The following CDCA4 variants were observed in gnomAD, a reference collection of about 807,000 sequenced individuals.
The protein encoded by CDCA4 is cell division cycle-associated protein 4.
For missense variants in CDCA4, 294 were observed against 322.1 expected, an observed-to-expected ratio of 0.91 and a Z score of 0.67; for synonymous variants, 130 against 137.0, an observed-to-expected ratio of 0.95 and a Z score of 0.36.
rs920543741 is a variant in CDCA4, at chr14:105,021,066, C to T, written c.-74G>A. On this transcript the variant is annotated 5_prime_UTR_variant, in exon 1 of 2. Transcript: ENST00000336219. ...GCCACCGCCGCTGCCGCCAGCTTCCCGCCGCTGAGGAAGGAGCGCCCGACG... is the reference window on the plus strand; with the variant it reads ...GCCACCGCCGCTGCCGCCAGCTTCCTGCCGCTGAGGAAGGAGCGCCCGACG... 1 of 152,602 alleles carries T rather than the reference C, an allele frequency of 6.6e-6. No homozygotes were observed. The highest frequency in any genetic ancestry group is 1.5e-5 in the Non-Finnish European group (1 of 68,106). The allele number at this position is 152,602 out of a possible 1,614,324, so 9.5% of individuals were successfully genotyped here.
At position 105,011,607 on chromosome 14, in the gene CDCA4, TG is replaced by T; in HGVS notation, c.322del (p.Gln108LysfsTer88). 1 of 1,613,854 alleles carries T rather than the reference TG, an allele frequency of 6.2e-7. No homozygotes were observed. The highest frequency in any genetic ancestry group is 8.5e-7 in the Non-Finnish European group (1 of 1,180,018). On this transcript the variant is annotated frameshift_variant, in exon 2 of 2. Transcript: ENST00000336219. LOFTEE classifies it low-confidence loss of function (END_TRUNC). Reference sequence around the variant, plus strand: ...GCCAGGAGCAGGATGTGCCCCCTCTTGCCCCCACGCTGCACGGCACAGGATC... The same window carrying T: ...GCCAGGAGCAGGATGTGCCCCCTCTTCCCCCACGCTGCACGGCACAGGATC... The part of the protein sequence containing the change: ...TEILCRAAWG[Q>X]EGAHPAPGLG...
At chr14:105,013,220 G>C (rs1190110429) in intron 1 of CDCA4, among the ~76,000 whole-genome samples, 1 of 150,628 alleles carries the variant, frequency 6.6e-6, no homozygotes, top group African/African-American at 2.5e-5. Context: ...TTTTTTAACT[G>C]ATTCTAAATT....
At chr14:105,019,921 C>T (rs1314097697) in intron 1 of CDCA4, among the ~76,000 whole-genome samples, 5 of 152,190 alleles carry the variant, frequency 3.3e-5, no homozygotes, top group Non-Finnish European at 7.3e-5. Context: ...ACCACGTTGG[C>T]CAGCTAGTCT....
intron 1 of CDCA4, among the ~76,000 whole-genome samples, chr14:105,013,585 C>A (rs1226654528): frequency 6.6e-6 from 1 of 152,120 alleles, no homozygotes; most frequent in South Asian, 2.1e-4. Context: ...GTATGGGAGG[C>A]ACATGCTGTC....
chr14:105,018,925 C>T (rs927975770), intron 1 of CDCA4, among the ~76,000 whole-genome samples: 1 of 151,958 alleles, frequency 6.6e-6, no homozygotes, highest in Non-Finnish European at 1.5e-5. Context: ...TTTGTAGAGA[C>T]GGGGTTTCAC....
At chr14:105,017,995 C>T (rs1426266639) in intron 1 of CDCA4, among the ~76,000 whole-genome samples, 2 of 152,020 alleles carry the variant, frequency 1.3e-5, no homozygotes, top group Non-Finnish European at 2.9e-5. Flanking sequence ...AAGACACACA[C>T]AAAAATATGT....
chr14:105,018,754 T>TTA (rs1434442056), intron 1 of CDCA4, among the ~76,000 whole-genome samples: 1 of 140,482 alleles, frequency 7.1e-6, no homozygotes, highest in African/African-American at 2.5e-5. Flanking sequence ...TTTTTTTTTT[T>TTA]AAGACAGAGT....
intron 1 of CDCA4, among the ~76,000 whole-genome samples, chr14:105,019,034 C>T (rs920253788): frequency 6.6e-6 from 1 of 152,102 alleles, no homozygotes; most frequent in African/African-American, 2.4e-5. Context: ...CCATGCCTGG[C>T]CCCCTGCTCA....
chr14:105,013,141 A>G (rs967930129), intron 1 of CDCA4, among the ~76,000 whole-genome samples: 1 of 152,138 alleles, frequency 6.6e-6, no homozygotes, highest in Non-Finnish European at 1.5e-5. Context: ...CGCACAGCAC[A>G]GATGCACTAG....
At chr14:105,019,617 T>G (rs995043310) in intron 1 of CDCA4, among the ~76,000 whole-genome samples, 1 of 152,394 alleles carries the variant, frequency 6.6e-6, no homozygotes, top group Admixed American at 6.5e-5. Context: ...GAGCAAGGTC[T>G]GCAGTCTTGA....
At chr14:105,016,702 G>C (rs186943656) in intron 1 of CDCA4, among the ~76,000 whole-genome samples, 342 of 152,112 alleles carry the variant, frequency 2.2e-3, no homozygotes, top group African/African-American at 8.0e-3. Flanking sequence ...GTCCTTTTCT[G>C]GCCATGCCAC....
chr14:105,014,388 T>C (rs1295320359), intron 1 of CDCA4, among the ~76,000 whole-genome samples: 2 of 152,100 alleles, frequency 1.3e-5, no homozygotes, highest in African/African-American at 2.4e-5. Flanking sequence ...TCTACAATTA[T>C]TTCAAAATTA....
At chr14:105,013,163 C>T (rs1187191922) in intron 1 of CDCA4, among the ~76,000 whole-genome samples, 4 of 152,190 alleles carry the variant, frequency 2.6e-5, no homozygotes, top group Non-Finnish European at 4.4e-5. Flanking sequence ...TGGACATTGG[C>T]CATGTCTACT....
intron 1 of CDCA4, among the ~76,000 whole-genome samples, chr14:105,014,675 C>A (rs1195453720): frequency 6.6e-6 from 1 of 152,244 alleles, no homozygotes; most frequent in Non-Finnish European, 1.5e-5. Flanking sequence ...TTGTTTAAAT[C>A]ACTGGCTTAA....
intron 1 of CDCA4, among the ~76,000 whole-genome samples, chr14:105,020,216 T>G (rs1001179624): frequency 6.6e-6 from 1 of 152,240 alleles, no homozygotes; most frequent in African/African-American, 2.4e-5. Context: ...ATAGAGTGGT[T>G]GTACGTAGAA....
At chr14:105,019,960 G>A (rs1463002412) in intron 1 of CDCA4, among the ~76,000 whole-genome samples, 1 of 152,138 alleles carries the variant, frequency 6.6e-6, no homozygotes, top group Non-Finnish European at 1.5e-5. Flanking sequence ...AGATCCACCC[G>A]CCTAGGCCTC....
At chr14:105,012,317 AAAG>A (rs1311752024) in intron 1 of CDCA4, among the ~76,000 whole-genome samples, 1 of 152,258 alleles carries the variant, frequency 6.6e-6, no homozygotes, top group Middle Eastern at 3.2e-3. Flanking sequence ...GGTGTGTACA[AAAG>A]AAGAGACCCT....
At position 105,011,022 on chromosome 14, in the gene CDCA4, G is replaced by A; in HGVS notation, c.*182C>T. The stretch of plus-strand genomic sequence containing the variant: ...CAGCCTCTGCCTGGCGCTCCACAGG[G>A]GGGAGGTGAGTGGGACGGGCCTAGG... On this transcript the variant is annotated 3_prime_UTR_variant, in exon 2 of 2. Transcript: ENST00000336219. The A allele has an allele frequency of 1.4e-6, 1 of 700,536 alleles. No individual in the cohort carries two copies. Among genetic ancestry groups the A allele is most frequent in the Non-Finnish European group, 2.3e-6 (1 of 431,480 alleles). 43.4% of individuals were successfully genotyped at this position (700,536 alleles called of 1,614,324 possible).
In CDCA4 at chr14:105,011,552, A is replaced by T; in HGVS notation, c.378T>A (p.Val126=). Residue 126 remains valine, a synonymous_variant, in exon 2 of 2, where the codon GTT becomes GTA. Coordinates refer to ENST00000336219, the MANE Select transcript of CDCA4 (RefSeq NM_017955.4). ...CTGAGGTGACTGGGCAAAGGTCAGA[A>T]ACTGGACCCTGTGTGTGGCCGTCCC... ...GLGDGHTQGP[V]SDLCPVTSAQ... The T allele has an allele frequency of 6.2e-7, 1 of 1,614,084 alleles. No homozygotes were observed. The highest frequency in any genetic ancestry group is 1.1e-5 in the South Asian group (1 of 91,072).
Sources: allele counts gnomAD v4.1 joint callset (sites outside exome capture counted in the v4.1 genomes callset), GRCh38; gene constraint gnomAD v4.1.1; transcripts MANE v1.5; gene names NCBI Gene and HGNC (gene_info 2026-07-23, HGNC 2026-07-21).